Variants in NR5A2 observed in about 807,000 individuals in gnomAD.
The protein encoded by NR5A2 is nuclear receptor subfamily 5 group A member 2, also known as CYP7A promoter-binding factor.
A neutral mutation model predicts 62.7 loss-of-function variants in NR5A2; 26 were observed. The ratio of observed to expected loss-of-function variants is 0.41; its 90% confidence interval spans 0.30 to 0.58. The LOEUF is 0.58. NR5A2 is among the 20% of genes least tolerant of loss of function. The pLI is 0.22. For synonymous variants in NR5A2, 246 were observed against 241.7 expected (o/e 1.02, Z -0.16); for missense variants, 541 against 669.1 (o/e 0.81, Z 2.11).
In NR5A2 at chr1:200,147,758, C is replaced by T. The variant is rs568363844; in HGVS notation, c.1379-26205C>T. ...ACGTCCACGGTGAAGACGCGGATGC[C>T]GGCGCGAATGCCGGCACGGATGCCG... On this transcript the variant is annotated intron_variant, in intron 7 of 7. Transcript: ENST00000367362. The surrounding 1 kb of genome is among the most constrained non-coding windows in gnomAD (Gnocchi z 4.9). 6.0e-5 allele frequency: 31 copies of T among 518,218 alleles called. No homozygotes were observed. Among genetic ancestry groups the T allele is most frequent in the South Asian group, 5.7e-4 (29 of 50,698 alleles). The allele number at this position is 518,218 out of a possible 1,614,324, so 32.1% of individuals were successfully genotyped here.
chr1:200,073,235 CATAT>C (rs3033980), intron 5 of NR5A2, among the ~76,000 whole-genome samples: 32,708 of 105,742 alleles, frequency 0.31, 5,921 homozygotes, highest in East Asian at 0.5. Context: ...CATTTACATA[CATAT>C]ATATATATAT....
In NR5A2 at chr1:200,074,747, A is replaced by AAAAAAAAAAAAAAACAAAAAAAAAAC. The variant is rs1430312718; in HGVS notation, c.1110+25938_1110+25939insAAAAACAAAAAAAAAACAAAAAAAAA. Among the ~76,000 whole-genome samples the AAAAAAAAAAAAAAACAAAAAAAAAAC allele has an allele frequency of 1.9e-3, 276 of 148,146 alleles. 3 individuals carry two copies. Among genetic ancestry groups the AAAAAAAAAAAAAAACAAAAAAAAAAC allele is most frequent in the Non-Finnish European group, 3.4e-3 (231 of 67,102 alleles). Reference sequence around the variant, plus strand: ...GCGAGAGTCCATCTCAAAAAAAAAAAAAAAAAAAACACGAGAGAAACACAA... The same window carrying AAAAAAAAAAAAAAACAAAAAAAAAAC: ...GCGAGAGTCCATCTCAAAAAAAAAAAAAAAAAAAAAAAAACAAAAAAAAAACAAAAAAAAACACGAGAGAAACACAA... On this transcript the variant is annotated intron_variant, in intron 5 of 7. Transcript: ENST00000367362.
At chr1:200,130,066 T>C (rs1401783360) in intron 7 of NR5A2, among the ~76,000 whole-genome samples, 2 of 152,224 alleles carry the variant, frequency 1.3e-5, no homozygotes, top group Admixed American at 6.5e-5. Context: ...CAGCAACTTG[T>C]TGAGTTTGTG....
intron 5 of NR5A2, among the ~76,000 whole-genome samples, chr1:200,073,716 A>G (rs1331225543): frequency 3.3e-5 from 5 of 151,862 alleles, no homozygotes; most frequent in Non-Finnish European, 7.4e-5. Flanking sequence ...ACACACACAT[A>G]TGCACACACA....
At chr1:200,093,379 C>G (rs564781769) in intron 5 of NR5A2, among the ~76,000 whole-genome samples, 1 of 152,236 alleles carries the variant, frequency 6.6e-6, no homozygotes, top group South Asian at 2.1e-4. Flanking sequence ...ATAAAACACA[C>G]ACATGGGTAC....
intron 5 of NR5A2, among the ~76,000 whole-genome samples, chr1:200,081,980 C>T (rs1051168180): frequency 3.3e-5 from 5 of 151,988 alleles, no homozygotes; most frequent in Admixed American, 1.3e-4. Context: ...AGGGGGTCAC[C>T]GCAGTGTCAG....
At position 200,131,319 on chromosome 1, in the gene NR5A2, A is replaced by G. The variant is rs115309334; in HGVS notation, c.1378+10364A>G. Among the ~76,000 whole-genome samples, 890 of 152,354 alleles carry G rather than the reference A, an allele frequency of 5.8e-3. 5 individuals are homozygous for G. Among genetic ancestry groups the G allele is most frequent in the Non-Finnish European group, 9.6e-3 (655 of 68,034 alleles). On this transcript the variant is annotated intron_variant, in intron 7 of 7. Transcript: ENST00000367362. ...GGAGTTCTAAGTTTGAACTTAATCAATATGAACTTACAGCCATGGAAGAAG... is the reference window on the plus strand; with the variant it reads ...GGAGTTCTAAGTTTGAACTTAATCAGTATGAACTTACAGCCATGGAAGAAG...
At chr1:200,080,564 G>A (rs1253709330) in intron 5 of NR5A2, among the ~76,000 whole-genome samples, 1 of 152,050 alleles carries the variant, frequency 6.6e-6, no homozygotes, top group African/African-American at 2.4e-5. Flanking sequence ...TAAACAAAAG[G>A]CGATTTTTCT....
In NR5A2 at chr1:200,175,977, C is replaced by A. The variant is rs998482051; in HGVS notation, c.*1767C>A. 3 of 152,544 alleles carry A rather than the reference C, an allele frequency of 2.0e-5. No homozygotes were observed. Among genetic ancestry groups the A allele is most frequent in the African/African-American group, 7.2e-5 (3 of 41,430 alleles). 9.4% of individuals were successfully genotyped at this position (152,544 alleles called of 1,614,324 possible). A position where few individuals can be genotyped will look rare whatever the true frequency, so the allele number is the denominator to read the frequency against. ...GCTAATTTATTGTTTCTTGGTTTCA[C>A]CTTTGTATAAGATATAGCCAAGACT... On this transcript the variant is annotated 3_prime_UTR_variant, in exon 8 of 8. Coordinates refer to ENST00000367362, the MANE Select transcript of NR5A2 (RefSeq NM_205860.3).
chr1:200,044,677 A>G (rs949722324), intron 3 of NR5A2: 1 of 152,098 alleles, frequency 6.6e-6, no homozygotes, highest in East Asian at 1.9e-4. Context: ...TCCATTCTCT[A>G]TAACAAAGTA....
At chr1:200,097,765 G>C (rs2737669) in intron 5 of NR5A2, among the ~76,000 whole-genome samples, 1 of 151,902 alleles carries the variant, frequency 6.6e-6, no homozygotes, top group African/African-American at 2.4e-5. Context: ...GTGTGTAGGC[G>C]GTGTGTATGT....
chr1:200,167,554 C>T (rs529278958), intron 7 of NR5A2, among the ~76,000 whole-genome samples: 1 of 152,316 alleles, frequency 6.6e-6, no homozygotes. Flanking sequence ...CTTCTACACA[C>T]TTCTGGCAGA....
intron 5 of NR5A2, among the ~76,000 whole-genome samples, chr1:200,060,939 TAAAA>T (rs60736317): frequency 4.6e-5 from 4 of 87,846 alleles, no homozygotes; most frequent in South Asian, 4.2e-4. Context: ...CCATCTCTAC[TAAAA>T]AAAAAAAAAA....
Position 200,038,771 on chromosome 1 carries a change from C to A in NR5A2, c.65-887C>A, listed in dbSNP as rs771191463. 5.2e-6 allele frequency: 7 copies of A among 1,353,426 alleles called. 1 individual carries two copies. In the South Asian group the frequency reaches 8.0e-5, roughly 16 times the overall value. 83.8% of individuals were successfully genotyped at this position (1,353,426 alleles called of 1,614,324 possible). A position where few individuals can be genotyped will look rare whatever the true frequency, so the allele number is the denominator to read the frequency against. ...TCAGACAGAGGTCGCTTCTGACTAG[C>A]TGTAAGACCCGGCTGCATTTACATC... is the stretch of plus-strand genomic sequence containing the variant. On this transcript the variant is annotated intron_variant, in intron 1 of 7. Transcript: ENST00000367362.
chr1:200,172,467 C>T (rs1327841870), intron 7 of NR5A2, among the ~76,000 whole-genome samples: 2 of 152,286 alleles, frequency 1.3e-5, no homozygotes, highest in African/African-American at 4.8e-5. Context: ...TTGTACAACT[C>T]ATCAATGAAT....
intron 7 of NR5A2, among the ~76,000 whole-genome samples, chr1:200,143,630 TG>T (rs1286346400): frequency 6.8e-6 from 1 of 147,664 alleles, no homozygotes; most frequent in Non-Finnish European, 1.5e-5. Context: ...CTCCAGCTAT[TG>T]TTCATAATTT....
intron 7 of NR5A2, among the ~76,000 whole-genome samples, chr1:200,164,414 G>T (rs1225671122): frequency 6.6e-6 from 1 of 152,160 alleles, no homozygotes; most frequent in East Asian, 1.9e-4. Flanking sequence ...TTCCTGATGA[G>T]TGGTGGATTC....
At chr1:200,086,711 T>C (rs1272928733) in intron 5 of NR5A2, among the ~76,000 whole-genome samples, 1 of 152,118 alleles carries the variant, frequency 6.6e-6, no homozygotes, top group African/African-American at 2.4e-5. Flanking sequence ...CAAATGTGAG[T>C]CCTCTTTTTC....
intron 7 of NR5A2, among the ~76,000 whole-genome samples, chr1:200,166,149 CA>C (rs1653889790): frequency 6.6e-6 from 1 of 152,152 alleles, no homozygotes; most frequent in African/African-American, 2.4e-5. Context: ...TCCCTTTGAA[CA>C]TTGGTATTGT....
Sources: allele counts gnomAD v4.1 joint callset (sites outside exome capture counted in the v4.1 genomes callset), GRCh38; gene constraint gnomAD v4.1.1; non-coding constraint Gnocchi (gnomAD v3.1); transcripts MANE v1.5; gene names NCBI Gene and HGNC (gene_info 2026-07-23, HGNC 2026-07-21).